Variants in GSE1 observed in about 807,000 individuals in gnomAD.
GSE1 encodes Gse1 coiled-coil protein, also known as genetic suppressor element 1.
In GSE1, 32 loss-of-function variants were observed where a neutral mutation model predicts 112.6. The ratio of observed to expected loss-of-function variants is 0.28; its 90% CI spans 0.21 to 0.38. The LOEUF (loss-of-function observed/expected upper bound fraction) is 0.38, where lower values mean the gene tolerates loss of function less well. Among genes scored for constraint, GSE1 ranks in the 10% least tolerant of loss-of-function variants. The pLI, the probability that GSE1 is intolerant of heterozygous loss-of-function variation, is 1.00. For synonymous variants in GSE1, 1,115 were observed against 735.6 expected, an observed-to-expected ratio of 1.52 and a Z score of -8.35; for missense variants, 2,348 against 1,699.2, an observed-to-expected ratio of 1.38 and a Z score of -6.71.
At chr16:85,304,042 A>C (rs946940841) in intron 1 of GSE1, among the ~76,000 whole-genome samples, 1 of 152,260 alleles carries the variant, frequency 6.6e-6, no homozygotes, top group Non-Finnish European at 1.5e-5. Context: ...AAGAGGAGAC[A>C]GCAGAAAAAG....
At chr16:85,499,401 C>G (rs2051290246) in intron 2 of GSE1, among the ~76,000 whole-genome samples, 1 of 145,136 alleles carries the variant, frequency 6.9e-6, no homozygotes, top group African/African-American at 2.6e-5. Flanking sequence ...AGCTCCGCCT[C>G]CCAGGTTCAC....
At chr16:85,609,550 C>T (rs538772337), upstream of GSE1, among the ~76,000 whole-genome samples, 1 of 152,346 alleles carries the variant, frequency 6.6e-6, no homozygotes, top group South Asian at 2.1e-4. Flanking sequence ...CCCTTTCTTT[C>T]TGGTGGATCC....
chr16:85,339,425 G>C (rs1398981687), intron 1 of GSE1, among the ~76,000 whole-genome samples: 2 of 152,240 alleles, frequency 1.3e-5, no homozygotes, highest in East Asian at 1.9e-4. Context: ...CTGCCTGCTT[G>C]CTGCGCCCTT....
At chr16:85,622,800 C>T (rs921880879) in intron 1 of GSE1, among the ~76,000 whole-genome samples, 8 of 152,132 alleles carry the variant, frequency 5.3e-5, no homozygotes, top group African/African-American at 1.9e-4. Flanking sequence ...AAGGGGTTGA[C>T]CTCTTTCTGT....
chr16:85,291,548 T>C (rs1254073747), intron 1 of GSE1, among the ~76,000 whole-genome samples: 2 of 152,112 alleles, frequency 1.3e-5, no homozygotes, highest in Non-Finnish European at 2.9e-5. Flanking sequence ...CAGGGCAGAC[T>C]TCCCCACAGG....
chr16:85,483,123 G>A (rs898369710), intron 2 of GSE1, among the ~76,000 whole-genome samples: 1 of 152,210 alleles, frequency 6.6e-6, no homozygotes, highest in African/African-American at 2.4e-5. Flanking sequence ...TGGCTATGTG[G>A]ATCAGGTGTA....
intron 1 of GSE1, among the ~76,000 whole-genome samples, chr16:85,207,045 G>A (rs1355892018): frequency 4.6e-5 from 7 of 152,224 alleles, no homozygotes; most frequent in East Asian, 1.9e-4. Context: ...TGCTGGCCCC[G>A]GCTCTTGGCA....
chr16:85,196,414 A>G (rs2074928138), intron 1 of GSE1, among the ~76,000 whole-genome samples: 1 of 152,136 alleles, frequency 6.6e-6, no homozygotes, highest in South Asian at 2.1e-4. Context: ...AGAGCAGGGA[A>G]GGGATTGGCG....
At chr16:85,466,399 G>A (rs987935958) in intron 2 of GSE1, among the ~76,000 whole-genome samples, 1 of 152,216 alleles carries the variant, frequency 6.6e-6, no homozygotes, top group Admixed American at 6.5e-5. Context: ...TCCCTGTCAT[G>A]GCTGCCAGCG....
chr16:85,194,102 C>T (rs748961673), intron 1 of GSE1, among the ~76,000 whole-genome samples: 2 of 152,174 alleles, frequency 1.3e-5, no homozygotes, highest in Non-Finnish European at 2.9e-5. Flanking sequence ...GACTCTGACT[C>T]AACGACGTAG....
intron 2 of GSE1, among the ~76,000 whole-genome samples, chr16:85,638,342 G>C (rs577637993): frequency 3.3e-5 from 5 of 152,126 alleles, no homozygotes; most frequent in Non-Finnish European, 7.4e-5. Context: ...TCAGTCACCC[G>C]CCCACCAGCG....
At chr16:85,557,145 C>G (rs891753665) in intron 1 of GSE1, among the ~76,000 whole-genome samples, 3 of 152,086 alleles carry the variant, frequency 2.0e-5, no homozygotes, top group African/African-American at 7.2e-5. Context: ...AGCTGGTGAT[C>G]CAGGAATTCA....
chr16:85,305,203 C>T (rs1476627196), intron 1 of GSE1, among the ~76,000 whole-genome samples: 2 of 152,214 alleles, frequency 1.3e-5, no homozygotes, highest in Non-Finnish European at 2.9e-5. Context: ...CTGGAGAGCT[C>T]TCCACAAAAT....
chr16:85,607,368 C>T (rs755221578), upstream of GSE1, among the ~76,000 whole-genome samples: 12 of 152,254 alleles, frequency 7.9e-5, no homozygotes, highest in Non-Finnish European at 1.2e-4. Context: ...CTCTCCCGCC[C>T]GCTTTCCAGC....
intron 2 of GSE1, among the ~76,000 whole-genome samples, chr16:85,363,788 G>T (rs985363441): frequency 3.3e-5 from 5 of 152,024 alleles, no homozygotes; most frequent in Non-Finnish European, 7.4e-5. Context: ...AGTGGGTGGG[G>T]CGGGGGAGAA....
At chr16:85,392,402 C>A (rs1173122898) in intron 2 of GSE1, among the ~76,000 whole-genome samples, 8 of 152,162 alleles carry the variant, frequency 5.3e-5, no homozygotes, top group African/African-American at 1.9e-4. Context: ...TTAAAACATC[C>A]ATTGCTTCGG....
intron 2 of GSE1, among the ~76,000 whole-genome samples, chr16:85,518,791 G>GACCT (rs2052039831): frequency 6.6e-6 from 1 of 152,074 alleles, no homozygotes; most frequent in African/African-American, 2.4e-5. Flanking sequence ...GTATAAAAAG[G>GACCT]ACCTATCCTT....
chr16:85,321,506 C>T (rs1306270789), intron 1 of GSE1, among the ~76,000 whole-genome samples: 1 of 152,180 alleles, frequency 6.6e-6, no homozygotes, highest in African/African-American at 2.4e-5. Flanking sequence ...TGGTGACTCA[C>T]AACTGTAACC....
intron 1 of GSE1, among the ~76,000 whole-genome samples, chr16:85,224,680 C>T (rs181351880): frequency 7.2e-5 from 11 of 152,246 alleles, no homozygotes; most frequent in Admixed American, 2.0e-4. Context: ...GAGGGGGGCA[C>T]TTGGTTTGCA....
Sources: gnomAD v4.1 joint callset for allele counts (sites outside exome capture counted in the v4.1 genomes callset) on GRCh38, gnomAD v4.1.1 for gene constraint, MANE v1.5 for transcripts, NCBI Gene and HGNC (gene_info 2026-07-23, HGNC 2026-07-21) for gene names.